STAU1: variants seen among roughly 807,000 people sequenced by gnomAD.
The protein encoded by STAU1 is double-stranded RNA-binding protein Staufen homolog 1.
In STAU1, 13 loss-of-function variants were observed where a neutral mutation model predicts 62.9. The observed-to-expected ratio is 0.21, with a 90% CI of 0.13 to 0.33. The LOEUF (loss-of-function observed/expected upper bound fraction) is 0.33. Among genes scored for constraint, STAU1 ranks in the 10% least tolerant of loss-of-function variants. STAU1 has a pLI of 1.00. For missense variants in STAU1, 571 were observed against 712.1 expected (o/e 0.80, Z 2.25); for synonymous variants, 269 against 265.1 (o/e 1.01, Z -0.14).
At chr20:49,181,464 A>G (rs980336490) in intron 1 of STAU1, among the ~76,000 whole-genome samples, 12 of 152,160 alleles carry the variant, frequency 7.9e-5, no homozygotes, top group African/African-American at 2.9e-4. Context: ...TTCTGTAGCT[A>G]CATCAAGTAT....
intron 6 of STAU1, among the ~76,000 whole-genome samples, chr20:49,132,999 AGC>A (rs1285255636): frequency 2.0e-5 from 3 of 152,196 alleles, no homozygotes; most frequent in African/African-American, 7.2e-5. Flanking sequence ...TAATAATGCA[AGC>A]TAGTAAAAAA....
chr20:49,121,554 T>A (rs1183969799), intron 8 of STAU1, among the ~76,000 whole-genome samples: 1 of 152,246 alleles, frequency 6.6e-6, no homozygotes, highest in African/African-American at 2.4e-5. Flanking sequence ...TCTGATTTTA[T>A]AACACTATCG....
chr20:49,118,158 A>T, intron 10 of STAU1, 62 bp from the exon 11 acceptor site: 6 of 1,525,976 alleles, frequency 3.9e-6, no homozygotes, highest in Non-Finnish European at 5.4e-6. Context: ...ACGCAATGAC[A>T]CCATCAAACC....
Position 49,187,606 on chromosome 20 carries a change from G to A in STAU1, c.-160+510C>T, listed in dbSNP as rs1286015223. On this transcript the variant is annotated intron_variant, in intron 1 of 13. Transcript: ENST00000371856. ...TTAAGAGGCAGGGACGGTATTAGCA[G>A]CCCCTTTTCCAACCAAGACACAAAG... 1.8e-4 allele frequency among the ~76,000 whole-genome samples: 28 copies of A among 152,152 alleles called. 1 individual carries two copies. Among genetic ancestry groups the A allele is most frequent in the Admixed American group, 1.7e-3 (26 of 15,274 alleles).
chr20:49,205,363 G>GT, the STAU1 span, among the ~76,000 whole-genome samples: 38,297 of 118,008 alleles, frequency 0.32, 7,494 homozygotes, highest in Middle Eastern at 0.42. Context: ...CTTTATGACA[G>GT]TTTTTTTTTT....
chr20:49,164,879 C>T (rs535084901), intron 3 of STAU1, among the ~76,000 whole-genome samples: 7 of 152,252 alleles, frequency 4.6e-5, no homozygotes, highest in African/African-American at 1.7e-4. Flanking sequence ...CAGACTTAAA[C>T]TTACTTGTTC....
chr20:49,139,714 G>A (rs1277241910), intron 5 of STAU1, among the ~76,000 whole-genome samples: 16 of 149,390 alleles, frequency 1.1e-4, no homozygotes, highest in African/African-American at 3.2e-4. Flanking sequence ...CAACAAGAGC[G>A]AAACTCTGTT....
Position 49,166,086 on chromosome 20 carries a change from G to A in STAU1, c.116C>T (p.Thr39Ile). 1 of 1,614,222 alleles carries A rather than the reference G, an allele frequency of 6.2e-7. No homozygotes were observed. Among genetic ancestry groups the A allele is most frequent in the Admixed American group, 1.7e-5 (1 of 60,028 alleles). Residue 39 changes from threonine (T) to isoleucine (I), a missense_variant, in exon 3 of 14, where the codon ACT becomes ATT. Physicochemically the swap from Thr to Ile is moderately conservative, Grantham distance 89. This residue lies in a region of STAU1 where 414 missense variants were observed against 499.6 expected (regional missense o/e 0.83). Coordinates refer to ENST00000371856, the MANE Select transcript of STAU1 (RefSeq NM_017453.4). The stretch of plus-strand genomic sequence containing the variant: ...TGCATTTTCAGAGGGCAGAGAGCTA[G>A]TAGTAGAAGGAATACTCATCAAAGG... Reference protein sequence around the residue: ...SQPLMSIPSTTSSLPSENAGR... With the variant: ...SQPLMSIPSTISSLPSENAGR...
chr20:49,200,339 C>G, the STAU1 span, among the ~76,000 whole-genome samples: 1 of 152,150 alleles, frequency 6.6e-6, no homozygotes, highest in South Asian at 2.1e-4. Flanking sequence ...TGGCTCACGC[C>G]TGTAATCCCA....
intron 6 of STAU1, among the ~76,000 whole-genome samples, chr20:49,129,056 AT>A (rs1239040733): frequency 3.9e-5 from 6 of 151,908 alleles, no homozygotes; most frequent in Non-Finnish European, 1.5e-5. Context: ...CAAAATACTT[AT>A]CTGAGAAAAA....
At chr20:49,128,407 A>G (rs1469571769) in intron 6 of STAU1, among the ~76,000 whole-genome samples, 1 of 152,194 alleles carries the variant, frequency 6.6e-6, no homozygotes, top group Middle Eastern at 3.2e-3. Context: ...ATGGCTCTCC[A>G]GCAGGAACAA....
At chr20:49,163,292 C>T (rs575113196) in intron 3 of STAU1, among the ~76,000 whole-genome samples, 1 of 151,888 alleles carries the variant, frequency 6.6e-6, no homozygotes, top group Non-Finnish European at 1.5e-5. Flanking sequence ...TATTTATTAT[C>T]CCCACTCCCT....
intron 2 of STAU1, among the ~76,000 whole-genome samples, chr20:49,168,319 G>A (rs980956979): frequency 3.3e-5 from 5 of 152,114 alleles, no homozygotes; most frequent in Admixed American, 6.6e-5. Flanking sequence ...GACCTCAGGT[G>A]ATCTGCCCAC....
intron 6 of STAU1, among the ~76,000 whole-genome samples, chr20:49,135,244 C>CA (rs1051197755): frequency 1.3e-5 from 2 of 151,996 alleles, no homozygotes; most frequent in African/African-American, 4.8e-5. Flanking sequence ...AAATAAGTAA[C>CA]AAAAAAAATT....
At chr20:49,125,495 A>G (rs565837340) in intron 6 of STAU1, among the ~76,000 whole-genome samples, 3 of 143,440 alleles carry the variant, frequency 2.1e-5, no homozygotes, top group Admixed American at 7.3e-5. Context: ...ACAAAACTGC[A>G]CTCCAGCCTA....
At chr20:49,219,255 G>T in the STAU1 span, 1 of 1,260,156 alleles carries the variant, frequency 7.9e-7, no homozygotes, top group South Asian at 1.5e-5. Flanking sequence ...TCCGCCCCTT[G>T]ATGGCGTCAC....
chr20:49,143,696 A>G (rs893440808), intron 5 of STAU1, among the ~76,000 whole-genome samples: 1 of 152,214 alleles, frequency 6.6e-6, no homozygotes, highest in African/African-American at 2.4e-5. Flanking sequence ...TCTGGCTCCA[A>G]CAGACTCTTC....
intron 3 of STAU1, among the ~76,000 whole-genome samples, chr20:49,156,873 C>G (rs2093366604): frequency 3.1e-5 from 3 of 97,356 alleles, no homozygotes; most frequent in African/African-American, 1.6e-4. Flanking sequence ...TGTGTATGCA[C>G]TGAAATTTTT....
chr20:49,196,890 C>T, the STAU1 span, among the ~76,000 whole-genome samples: 1 of 152,022 alleles, frequency 6.6e-6, no homozygotes, highest in Non-Finnish European at 1.5e-5. Flanking sequence ...GACGTGGTGG[C>T]TCACGCCTGT....
Sources: gnomAD v4.1 joint callset for allele counts (sites outside exome capture counted in the v4.1 genomes callset) on GRCh38, gnomAD v4.1.1 for gene constraint, gnomAD v4.1.1 regional missense constraint, MANE v1.5 for transcripts, NCBI Gene and HGNC (gene_info 2026-07-23, HGNC 2026-07-21) for gene names.